Variants in XKR3 observed in about 807,000 individuals in gnomAD.
XKR3 encodes XK-related protein 3.
Under a neutral mutation model 40.3 loss-of-function variants are expected in XKR3, and 27 were observed. That is an observed-to-expected ratio of 0.67 (90% CI 0.49 to 0.92). The LOEUF is 0.92. Among genes scored for constraint, XKR3 ranks in the 40% least tolerant of loss-of-function variants. XKR3 has a pLI of 0.00. For missense variants in XKR3, 472 were observed against 537.6 expected, an observed-to-expected ratio of 0.88 and a Z score of 1.21; for synonymous variants, 193 against 195.4, an observed-to-expected ratio of 0.99 and a Z score of 0.10.
chr22:16,797,696 G>A (rs571039361), intron 3 of XKR3, among the ~76,000 whole-genome samples: 74 of 151,536 alleles, frequency 4.9e-4, no homozygotes, highest in Non-Finnish European at 9.0e-4. Flanking sequence ...GGGAGGGTGA[G>A]GCAGAAGAAT....
In XKR3 at chr22:16,783,929, A is replaced by T. The variant is rs1410499546; in HGVS notation, c.1070T>A (p.Ile357Lys). ...AAAGAACCTAAATACCAATATCATTATCACATTTTCTAAAAACTGAAAGCT... is the reference window on the plus strand; with the variant it reads ...AAAGAACCTAAATACCAATATCATTTTCACATTTTCTAAAAACTGAAAGCT... Reference protein sequence around the residue: ...HYSFQFLENVIMILVFRFFGG... With the variant: ...HYSFQFLENVKMILVFRFFGG... The change falls in exon 4 of 4, where the codon ATA becomes AAA. Residue 357 changes from isoleucine (I) to lysine (K), a missense_variant. Transcript: ENST00000684488. 14 of 1,614,128 alleles carry T rather than the reference A, an allele frequency of 8.7e-6. No homozygotes were observed. Among genetic ancestry groups the T allele is most frequent in the East Asian group, 4.5e-5 (2 of 44,892 alleles).
intron 1 of XKR3, chr22:16,821,775 C>T (rs1447502424): frequency 1.3e-5 from 2 of 152,072 alleles, no homozygotes; most frequent in Admixed American, 1.3e-4. Context: ...CCTCGTGCTT[C>T]AATTTCATAT....
chr22:16,816,603 C>T (rs1328282724), intron 1 of XKR3, among the ~76,000 whole-genome samples: 1 of 151,636 alleles, frequency 6.6e-6, no homozygotes, highest in Non-Finnish European at 1.5e-5. Context: ...AGGTTTTATA[C>T]TTCTTTTCCT....
At position 16,799,798 on chromosome 22, in the gene XKR3, T is replaced by A; in HGVS notation, c.562A>T (p.Thr188Ser). Residue 188 changes from threonine to serine, a missense_variant, in exon 3 of 4, where the codon ACT becomes TCT. Coordinates refer to ENST00000684488, the MANE Select transcript of XKR3 (RefSeq NM_001386955.1). ...QLILQMYISL[T>S]IREWPLNRAL... is the part of the protein sequence containing the mutation. ...CTATTCAAAGGCCATTCTCGTATAG[T>A]GAGACTGATATACATCTGCAAAATT... 6.2e-7 allele frequency: 1 copy of A among 1,614,108 alleles called. No homozygotes were observed. The highest frequency in any genetic ancestry group is 8.5e-7 in the Non-Finnish European group (1 of 1,180,004).
intron 3 of XKR3, among the ~76,000 whole-genome samples, chr22:16,794,313 C>A (rs1406003711): frequency 6.6e-6 from 1 of 151,856 alleles, no homozygotes; most frequent in Non-Finnish European, 1.5e-5. Context: ...GAAACAAACA[C>A]GAAAATATAA....
intron 1 of XKR3, among the ~76,000 whole-genome samples, chr22:16,814,874 A>G (rs2192428): frequency 0.8 from 121,034 of 151,828 alleles, 48,844 homozygotes; most frequent in Non-Finnish European, 0.86. Context: ...TTTGTATACA[A>G]GATCATGTCA....
At chr22:16,815,098 T>C (rs1601850829) in intron 1 of XKR3, among the ~76,000 whole-genome samples, 1 of 152,084 alleles carries the variant, frequency 6.6e-6, no homozygotes, top group East Asian at 1.9e-4. Context: ...GGGGTTTGTG[T>C]AGATGCCTTT....
chr22:16,797,335 A>G (rs2060145531), intron 3 of XKR3, among the ~76,000 whole-genome samples: 1 of 152,202 alleles, frequency 6.6e-6, no homozygotes, highest in South Asian at 2.1e-4. Flanking sequence ...ACCTAATTAA[A>G]CTAAAGGTTT....
At chr22:16,792,635 T>G (rs1430998684) in intron 3 of XKR3, among the ~76,000 whole-genome samples, 156 of 152,360 alleles carry the variant, frequency 1.0e-3, no homozygotes, top group Admixed American at 8.0e-3. Flanking sequence ...ATCTATTGAT[T>G]TGGCAAACAA....
chr22:16,820,721 T>A (rs939182140), intron 1 of XKR3, among the ~76,000 whole-genome samples: 18 of 152,140 alleles, frequency 1.2e-4, no homozygotes, highest in Non-Finnish European at 2.1e-4. Flanking sequence ...AAAAAACAGT[T>A]GCATAATATC....
chr22:16,802,644 C>A (rs1249836841), intron 2 of XKR3, among the ~76,000 whole-genome samples: 1 of 152,034 alleles, frequency 6.6e-6, no homozygotes, highest in African/African-American at 2.4e-5. Context: ...TGGGCGCCAC[C>A]AAACCCAGCT....
Position 16,784,226 on chromosome 22 carries a change from G to A in XKR3, c.773C>T (p.Ala258Val), listed in dbSNP as rs2060079409. ...SRVVTLAFFI[A>V]SLKLKSLPVL... ...GGGTAGGCTCTTCAGTTTCAGAGATGCAATGAAAAATGCCAGAGTCACTAC... is the reference window on the plus strand; with the variant it reads ...GGGTAGGCTCTTCAGTTTCAGAGATACAATGAAAAATGCCAGAGTCACTAC... The change falls in exon 4 of 4, where the codon GCA (alanine) becomes GTA (valine). Residue 258 changes from alanine to valine, a missense_variant. Ala to Val is a moderately conservative substitution (Grantham distance 64). Coordinates refer to ENST00000684488, the MANE Select transcript of XKR3 (RefSeq NM_001386955.1). 2 of 1,614,158 alleles carry A rather than the reference G, an allele frequency of 1.2e-6. No individual in the cohort carries two copies. The highest frequency in any genetic ancestry group is 1.7e-6 in the Non-Finnish European group (2 of 1,180,020).
chr22:16,800,128 C>T (rs2060162414), intron 2 of XKR3, 104 bp from the exon 3 acceptor site: 2 of 1,309,368 alleles, frequency 1.5e-6, no homozygotes, highest in East Asian at 2.4e-5. Flanking sequence ...TGAAATTATA[C>T]TATCAAATGG....
chr22:16,791,725 GAGAGGGAGAA>G (rs2060116999), intron 3 of XKR3, among the ~76,000 whole-genome samples: 3 of 145,332 alleles, frequency 2.1e-5, no homozygotes, highest in South Asian at 2.2e-4. Flanking sequence ...GAGAGAGGGA[GAGAGGGAGAA>G]AGAGGGAGAG....
chr22:16,803,911 T>C (rs2060179423), intron 2 of XKR3, among the ~76,000 whole-genome samples: 1 of 152,202 alleles, frequency 6.6e-6, no homozygotes, highest in African/African-American at 2.4e-5. Flanking sequence ...TAAACTTGCT[T>C]TCACTTCACA....
At chr22:16,820,762 T>C (rs1006858349) in intron 1 of XKR3, among the ~76,000 whole-genome samples, 6 of 152,154 alleles carry the variant, frequency 3.9e-5, no homozygotes, top group Non-Finnish European at 5.9e-5. Flanking sequence ...AGGAAATAAT[T>C]GTGATGACAG....
intron 3 of XKR3, among the ~76,000 whole-genome samples, chr22:16,796,848 AG>A (rs2060143314): frequency 6.6e-6 from 1 of 152,214 alleles, no homozygotes; most frequent in Non-Finnish European, 1.5e-5. Context: ...AACAACAAGA[AG>A]CCCAATTAGT....
At chr22:16,791,315 T>TA (rs1229146626) in intron 3 of XKR3, among the ~76,000 whole-genome samples, 305 of 141,598 alleles carry the variant, frequency 2.2e-3, no homozygotes, top group African/African-American at 4.4e-3. Context: ...TGAGAAAACT[T>TA]AAAAAAAAAA....
intron 2 of XKR3, among the ~76,000 whole-genome samples, chr22:16,800,514 A>ATT (rs1408030991): frequency 1.6e-4 from 25 of 152,208 alleles, no homozygotes; most frequent in African/African-American, 6.0e-4. Context: ...TTTTCATTGG[A>ATT]ACATATTTTG....
Sources: allele counts gnomAD v4.1 joint callset (sites outside exome capture counted in the v4.1 genomes callset), GRCh38; gene constraint gnomAD v4.1.1; transcripts MANE v1.5; gene names NCBI Gene and HGNC (gene_info 2026-07-23, HGNC 2026-07-21).